Variants in CFAP70 observed in about 807,000 individuals in gnomAD.
CFAP70 encodes the protein cilia- and flagella-associated protein 70.
Under a neutral mutation model 137.6 loss-of-function variants are expected in CFAP70, and 81 were observed. The observed-to-expected ratio is 0.59, with a 90% confidence interval of 0.49 to 0.71. The LOEUF is 0.71. Ranked by LOEUF, CFAP70 falls within the 30% of genes least tolerant of loss-of-function variation. CFAP70 has a pLI of 0.00. For synonymous variants in CFAP70, 382 were observed against 423.6 expected, an observed-to-expected ratio of 0.90 and a Z score of 1.20; for missense variants, 976 against 1,226.7, an observed-to-expected ratio of 0.80 and a Z score of 3.05.
chr10:73,258,470 C>T (rs535506283), intron 25 of CFAP70, among the ~76,000 whole-genome samples: 1 of 152,330 alleles, frequency 6.6e-6, no homozygotes, highest in Admixed American at 6.5e-5. Context: ...TATGTTGCCT[C>T]AGGATCCTGT....
chr10:73,270,590 C>CA (rs2046228678), intron 24 of CFAP70, among the ~76,000 whole-genome samples: 1 of 136,386 alleles, frequency 7.3e-6, no homozygotes, highest in Admixed American at 7.6e-5. Context: ...GGCTGGAGTG[C>CA]AATGGCATGA....
At position 73,253,833 on chromosome 10, in the gene CFAP70, C is replaced by G. The variant is rs933434227; in HGVS notation, c.*142G>C. 3 of 578,190 alleles carry G rather than the reference C, an allele frequency of 5.2e-6. No homozygotes were observed. The African/African-American group carries it at 5.6e-5, about 11-fold the overall frequency. 35.8% of individuals were successfully genotyped at this position (578,190 alleles called of 1,614,324 possible). On this transcript the variant is annotated 3_prime_UTR_variant, in exon 27 of 27. Transcript: ENST00000310715. ...TCAACCAGTAAAACATCCAGTAACA[C>G]AGCCAATGGAAATAAATGAATGGGT...
chr10:73,286,439 G>A (rs746046848), intron 19 of CFAP70, among the ~76,000 whole-genome samples: 10 of 152,016 alleles, frequency 6.6e-5, no homozygotes, highest in African/African-American at 1.7e-4. Flanking sequence ...GTGAGACACC[G>A]TCTCAAAAAC....
chr10:73,292,096 T>G, intron 16 of CFAP70, 82 bp from the exon 18 acceptor site: 1 of 1,505,128 alleles, frequency 6.6e-7, no homozygotes, highest in Non-Finnish European at 9.0e-7. Flanking sequence ...ACACTGTAAA[T>G]ACTGTAAGTT....
intron 10 of CFAP70, 53 bp from the exon 12 acceptor site, chr10:73,311,967 G>T: frequency 7.4e-7 from 1 of 1,345,298 alleles, no homozygotes; most frequent in African/African-American, 1.4e-5. Context: ...AGTCTTCATA[G>T]TGACAAGAAC....
Position 73,354,896 on chromosome 10 carries a change from T to A in CFAP70, c.-39-61A>T. On this transcript the variant is annotated intron_variant, in intron 1 of 26. Coordinates refer to ENST00000310715, the Ensembl canonical transcript of CFAP70. Reference sequence around the variant, plus strand: ...ACCACAGCTGCACAAGTACCCATATTCCATCATAACCAATACCAGGGAAAA... The same window carrying A: ...ACCACAGCTGCACAAGTACCCATATACCATCATAACCAATACCAGGGAAAA... The A allele has an allele frequency of 3.0e-6, 3 of 990,806 alleles. No homozygotes were observed. In the South Asian group the frequency reaches 4.0e-5, roughly 13 times the overall value. 61.4% of individuals were successfully genotyped at this position (990,806 alleles called of 1,614,324 possible).
chr10:73,316,487 G>GATGT (rs1554903332), intron 9 of CFAP70, among the ~76,000 whole-genome samples: 1 of 100,946 alleles, frequency 9.9e-6, no homozygotes, highest in Non-Finnish European at 1.9e-5. Flanking sequence ...TATAGATATA[G>GATGT]ATATATATAT....
At chr10:73,348,321 C>T (rs764969272) in intron 4 of CFAP70, 86 bp from the exon 5 acceptor site, 2 of 1,520,054 alleles carry the variant, frequency 1.3e-6, no homozygotes, top group Admixed American at 1.7e-5. Context: ...CTACTTTTCC[C>T]CTCAAATCCC....
exon 17 of CFAP70, chr10:73,292,005 G>A (rs1212308476): frequency 4.3e-6 from 7 of 1,613,854 alleles, no homozygotes; most frequent in African/African-American, 2.7e-5. Flanking sequence ...TGGGGCTCAC[G>A]GACCAATCTC....
chr10:73,310,674 A>G (rs2049836944), intron 11 of CFAP70, among the ~76,000 whole-genome samples: 2 of 152,202 alleles, frequency 1.3e-5, no homozygotes, highest in Non-Finnish European at 2.9e-5. Flanking sequence ...CAAGTGCTGG[A>G]CAGCTCTACC....
intron 12 of CFAP70, among the ~76,000 whole-genome samples, chr10:73,309,674 A>G (rs1321180047): frequency 8.5e-6 from 1 of 118,060 alleles, no homozygotes; most frequent in Non-Finnish European, 1.7e-5. Context: ...TTTTTTTTTT[A>G]GAGATAGAGT....
intron 2 of CFAP70, among the ~76,000 whole-genome samples, chr10:73,354,374 G>T (rs1002574084): frequency 2.6e-5 from 4 of 151,724 alleles, no homozygotes; most frequent in African/African-American, 4.9e-5. Flanking sequence ...CTAATTTTTA[G>T]TACATCACAT....
intron 19 of CFAP70, among the ~76,000 whole-genome samples, chr10:73,287,454 C>T (rs960560784): frequency 4.6e-5 from 7 of 152,092 alleles, no homozygotes; most frequent in Non-Finnish European, 7.4e-5. Flanking sequence ...TATGAAAAAA[C>T]GATGCTTTGA....
chr10:73,293,205 C>T, intron 16 of CFAP70, 58 bp downstream of exon 17: 1 of 1,526,238 alleles, frequency 6.6e-7, no homozygotes, highest in South Asian at 1.3e-5. Flanking sequence ...TCAAAAATTA[C>T]TATTATGCCC....
intron 19 of CFAP70, among the ~76,000 whole-genome samples, chr10:73,289,138 G>A (rs941472893): frequency 4.0e-5 from 6 of 151,792 alleles, no homozygotes; most frequent in African/African-American, 1.5e-4. Context: ...ATTAAATCCA[G>A]GCTAATAGAA....
chr10:73,297,136 T>C, exon 15 of CFAP70: 1 of 1,613,764 alleles, frequency 6.2e-7, no homozygotes, highest in Non-Finnish European at 8.5e-7. Flanking sequence ...TGATGTTGTC[T>C]TCAAGTATTT....
intron 12 of CFAP70, among the ~76,000 whole-genome samples, chr10:73,302,313 G>GGT (rs2049009534): frequency 1.3e-5 from 2 of 152,196 alleles, no homozygotes; most frequent in African/African-American, 4.8e-5. Context: ...AAAGCCAGGA[G>GGT]AGTATAGTGT....
chr10:73,301,885 C>T (rs2048981497), intron 12 of CFAP70, among the ~76,000 whole-genome samples: 1 of 151,994 alleles, frequency 6.6e-6, no homozygotes, highest in South Asian at 2.1e-4. Flanking sequence ...ACAAAGGGAT[C>T]AGAACTGGAT....
At chr10:73,273,257 C>A (rs1464429494) in intron 23 of CFAP70, among the ~76,000 whole-genome samples, 1 of 152,194 alleles carries the variant, frequency 6.6e-6, no homozygotes, top group Admixed American at 6.5e-5. Context: ...CATTTATAGT[C>A]TCTGTAAGAG....
Sources: gnomAD v4.1 joint callset for allele counts (sites outside exome capture counted in the v4.1 genomes callset) on GRCh38, gnomAD v4.1.1 for gene constraint, MANE v1.5 for transcripts, NCBI Gene and HGNC (gene_info 2026-07-23, HGNC 2026-07-21) for gene names.